PDE4D: variants seen among roughly 807,000 people sequenced by gnomAD.
The protein encoded by PDE4D is 3',5'-cyclic-AMP phosphodiesterase 4D.
In PDE4D, 24 loss-of-function variants were observed where a neutral mutation model predicts 87.4. The observed-to-expected ratio is 0.27, with a 90% CI of 0.20 to 0.39. PDE4D has a LOEUF of 0.39. PDE4D is among the 10% of genes least tolerant of loss of function. The probability of loss-of-function intolerance (pLI) is 1.00; values close to 1 mark genes in which losing one functional copy is unlikely to be tolerated. For missense variants in PDE4D, 714 were observed against 1,041.0 expected, an observed-to-expected ratio of 0.69 and a Z score of 4.32; for synonymous variants, 384 against 383.2, an observed-to-expected ratio of 1.00 and a Z score of -0.02.
At chr5:59,898,348 A>G (rs771851783), upstream of PDE4D, among the ~76,000 whole-genome samples, 19 of 152,214 alleles carry the variant, frequency 1.2e-4, no homozygotes, top group Admixed American at 7.2e-4. Context: ...AAAAATTACT[A>G]TCCTCAAGGA....
At chr5:60,413,712 TTTA>T (rs1561224553) in intron 1 of PDE4D, among the ~76,000 whole-genome samples, 4 of 127,238 alleles carry the variant, frequency 3.1e-5, no homozygotes, top group African/African-American at 1.4e-4. Context: ...TCTTTTTTCG[TTTA>T]TTTTTTTTTT....
intron 5 of PDE4D, among the ~76,000 whole-genome samples, chr5:59,176,558 GAA>G (rs11354852): frequency 1.6e-4 from 20 of 124,772 alleles, no homozygotes; most frequent in South Asian, 7.4e-4. Context: ...TCTATCTCAA[GAA>G]AAAAAAAAAA....
At chr5:60,074,118 G>C (rs190165168) in intron 2 of PDE4D, among the ~76,000 whole-genome samples, 1 of 151,978 alleles carries the variant, frequency 6.6e-6, no homozygotes, top group Admixed American at 6.6e-5. Context: ...TGTGATGTTA[G>C]GTTGTTTATT....
At chr5:59,942,716 A>C (rs1318546755) in intron 3 of PDE4D, among the ~76,000 whole-genome samples, 1 of 152,114 alleles carries the variant, frequency 6.6e-6, no homozygotes, top group Non-Finnish European at 1.5e-5. Flanking sequence ...AAATGGGAAC[A>C]AGAGACAGAC....
intron 1 of PDE4D, among the ~76,000 whole-genome samples, chr5:59,277,597 T>C (rs1477446269): frequency 6.6e-6 from 1 of 152,152 alleles, no homozygotes; most frequent in Non-Finnish European, 1.5e-5. Flanking sequence ...TTTGAAACAC[T>C]GTTCCCTCCA....
intron 1 of PDE4D, among the ~76,000 whole-genome samples, chr5:59,812,311 A>T (rs1386872482): frequency 6.6e-6 from 1 of 152,228 alleles, no homozygotes; most frequent in Non-Finnish European, 1.5e-5. Flanking sequence ...TTGCATCTGC[A>T]GGATGGTTGT....
intron 1 of PDE4D, among the ~76,000 whole-genome samples, chr5:59,407,841 T>G (rs1461853088): frequency 6.6e-6 from 1 of 152,168 alleles, no homozygotes; most frequent in Non-Finnish European, 1.5e-5. Context: ...CTGAAGCAAT[T>G]GAGATGTGAC....
At chr5:59,230,881 G>C (rs79772326) in intron 1 of PDE4D, among the ~76,000 whole-genome samples, 1 of 152,192 alleles carries the variant, frequency 6.6e-6, no homozygotes, top group East Asian at 1.9e-4. Flanking sequence ...CTGAATTACA[G>C]ACAATTTTTT....
intron 5 of PDE4D, among the ~76,000 whole-genome samples, chr5:59,103,942 C>T (rs761199762): frequency 2.6e-5 from 4 of 152,194 alleles, no homozygotes; most frequent in Non-Finnish European, 1.5e-5. Flanking sequence ...GTAAAACTAT[C>T]CCACAGCCGT....
chr5:59,831,048 T>A (rs1741120240), intron 1 of PDE4D, among the ~76,000 whole-genome samples: 1 of 151,910 alleles, frequency 6.6e-6, no homozygotes, highest in Non-Finnish European at 1.5e-5. Flanking sequence ...ATATAAGGGT[T>A]TGTAACCTGC....
At chr5:59,035,733 A>C (rs1758393006) in intron 6 of PDE4D, among the ~76,000 whole-genome samples, 1 of 152,198 alleles carries the variant, frequency 6.6e-6, no homozygotes, top group East Asian at 1.9e-4. Flanking sequence ...AAGAAACAAA[A>C]CCATAATTCA....
intron 5 of PDE4D, among the ~76,000 whole-genome samples, chr5:59,071,683 CTTTTTTTTT>C (rs10701223): frequency 6.1e-5 from 5 of 82,402 alleles, no homozygotes; most frequent in Non-Finnish European, 8.5e-5. Flanking sequence ...TATTTCTCTT[CTTTTTTTTT>C]TTTTTTTTTT....
intron 1 of PDE4D, among the ~76,000 whole-genome samples, chr5:60,519,817 G>A (rs997922862): frequency 2.0e-5 from 3 of 152,142 alleles, no homozygotes; most frequent in East Asian, 1.9e-4. Flanking sequence ...CTTTTAATAC[G>A]TCAAAGGTAA....
intron 1 of PDE4D, among the ~76,000 whole-genome samples, chr5:60,284,182 G>A (rs1305173606): frequency 3.3e-5 from 5 of 152,074 alleles, no homozygotes; most frequent in Non-Finnish European, 7.4e-5. Flanking sequence ...CACTCACCTT[G>A]TTTTAGGTAA....
intron 2 of PDE4D, among the ~76,000 whole-genome samples, chr5:60,078,602 T>C (rs1773581306): frequency 6.6e-6 from 1 of 152,192 alleles, no homozygotes; most frequent in Admixed American, 6.5e-5. Flanking sequence ...GTGTTCTCAA[T>C]GTTCAACCCC....
chr5:60,396,053 T>C (rs1762863661), intron 1 of PDE4D, among the ~76,000 whole-genome samples: 2 of 152,218 alleles, frequency 1.3e-5, no homozygotes, highest in East Asian at 1.9e-4. Flanking sequence ...GGTTGTTTTG[T>C]GGGCTTCTTT....
chr5:60,296,264 T>TA (rs1423577862), intron 1 of PDE4D, among the ~76,000 whole-genome samples: 3 of 152,206 alleles, frequency 2.0e-5, no homozygotes, highest in Non-Finnish European at 4.4e-5. Flanking sequence ...ACCCTGAAGA[T>TA]ACTGCAATAG....
At chr5:59,768,473 G>A (rs536116506) in intron 1 of PDE4D, 45 of 1,598,192 alleles carry the variant, frequency 2.8e-5, no homozygotes, top group Non-Finnish European at 3.5e-5. Context: ...TCCACTTCAG[G>A]TACTGTTAAA....
intron 1 of PDE4D, among the ~76,000 whole-genome samples, chr5:59,836,671 A>ATCTATCATCTATCTACCTC (rs1742148435): frequency 1.4e-5 from 2 of 145,498 alleles, no homozygotes; most frequent in Non-Finnish European, 3.0e-5. Flanking sequence ...CTATCTACCT[A>ATCTATCATCTATCTACCTC]TCTATCTATC....
Sources: allele counts gnomAD v4.1 joint callset (sites outside exome capture counted in the v4.1 genomes callset), GRCh38; gene constraint gnomAD v4.1.1; transcripts MANE v1.5; gene names NCBI Gene and HGNC (gene_info 2026-07-23, HGNC 2026-07-21).